ZNF827: variants seen among roughly 807,000 people sequenced by gnomAD.
ZNF827 encodes zinc finger protein 827.
In ZNF827, 13 loss-of-function variants were observed where a neutral mutation model predicts 102.4. The observed-to-expected ratio is 0.13, with a 90% CI of 0.08 to 0.20. The LOEUF is 0.20. ZNF827 is among the 10% of genes least tolerant of loss of function. ZNF827 has a pLI of 1.00. For synonymous variants in ZNF827, 523 were observed against 536.2 expected, an observed-to-expected ratio of 0.98 and a Z score of 0.34; for missense variants, 1,103 against 1,344.4, an observed-to-expected ratio of 0.82 and a Z score of 2.81.
intron 3 of ZNF827, among the ~76,000 whole-genome samples, chr4:145,891,477 TCTAA>T (rs1287354583): frequency 6.6e-6 from 1 of 152,214 alleles, no homozygotes; most frequent in African/African-American, 2.4e-5. Context: ...AAGATTTCCA[TCTAA>T]CTAAGTTTTC....
intron 7 of ZNF827, chr4:145,835,405 G>A (rs973326443): frequency 6.6e-5 from 10 of 151,582 alleles, no homozygotes; most frequent in African/African-American, 2.4e-4. Flanking sequence ...TGACAGCCAG[G>A]CTTCTAAACC....
chr4:145,936,915 T>TG (rs1470049441), intron 1 of ZNF827, among the ~76,000 whole-genome samples: 11 of 151,540 alleles, frequency 7.3e-5, no homozygotes, highest in Non-Finnish European at 2.9e-5. Flanking sequence ...GGGAGTAGTG[T>TG]GGGGGGAGAG....
chr4:145,784,382 T>C (rs769946213), intron 8 of ZNF827, among the ~76,000 whole-genome samples: 1 of 152,210 alleles, frequency 6.6e-6, no homozygotes, highest in Non-Finnish European at 1.5e-5. Flanking sequence ...ATAACACTCT[T>C]AACTGAAGGC....
At chr4:145,837,106 C>T (rs1196661516) in intron 7 of ZNF827, among the ~76,000 whole-genome samples, 1 of 152,192 alleles carries the variant, frequency 6.6e-6, no homozygotes, top group African/African-American at 2.4e-5. Context: ...TTCTGTCAGA[C>T]ATAATTCCTC....
At chr4:145,809,262 T>C (rs1314348188) in intron 8 of ZNF827, among the ~76,000 whole-genome samples, 1 of 152,242 alleles carries the variant, frequency 6.6e-6, no homozygotes, top group African/African-American at 2.4e-5. Flanking sequence ...ACTAACTTAT[T>C]GGTGTTTTCT....
Position 145,758,330 on chromosome 4 carries a change from C to T in ZNF827, c.*3286G>A, listed in dbSNP as rs1270437419. The T allele has an allele frequency of 4.6e-5, 7 of 152,182 alleles. No individual in the cohort carries two copies. The highest frequency in any genetic ancestry group is 2.6e-4 in the Admixed American group (4 of 15,278). 9.4% of individuals were successfully genotyped at this position (152,182 alleles called of 1,614,324 possible). A position where few individuals can be genotyped will look rare whatever the true frequency, so the allele number is the denominator to read the frequency against. Reference sequence around the variant, plus strand: ...AACGTCTCCTTCCTTCACCTCCTCTCGTTCTTGAAAGTTTCAACCCTAGAC... The same window carrying T: ...AACGTCTCCTTCCTTCACCTCCTCTTGTTCTTGAAAGTTTCAACCCTAGAC... On this transcript the variant is annotated 3_prime_UTR_variant, in exon 15 of 15. Transcript: ENST00000508784.
chr4:145,922,083 G>T (rs1448095838), intron 1 of ZNF827, among the ~76,000 whole-genome samples: 2 of 152,258 alleles, frequency 1.3e-5, no homozygotes, highest in Non-Finnish European at 2.9e-5. Flanking sequence ...GAGAACCGTT[G>T]TGAGTTTAGG....
At chr4:145,872,452 T>C (rs890447912) in intron 4 of ZNF827, among the ~76,000 whole-genome samples, 10 of 152,206 alleles carry the variant, frequency 6.6e-5, no homozygotes, top group African/African-American at 1.9e-4. Flanking sequence ...GACACCTTGA[T>C]ATTAGGCTTC....
In ZNF827 at chr4:145,892,403, T is replaced by C; in HGVS notation, c.1106A>G (p.Glu369Gly). The stretch of plus-strand genomic sequence containing the variant: ...TGGACACTGGAAAGGCTTTCCACTT[T>C]CCTCTTCTGAGGCTTGGAAGAAGGA... ...SKPSNSASEE[E>G]SGKPFQCPIC... Residue 369 changes from glutamate to glycine, a missense_variant, in exon 3 of 15, where the codon GAA becomes GGA. Glu to Gly is a moderately conservative substitution (Grantham distance 98, BLOSUM62 -2). This residue lies in a region of ZNF827 where 441 missense variants were observed against 458.6 expected (regional missense o/e 0.96). Coordinates refer to ENST00000508784, the MANE Select transcript of ZNF827 (RefSeq NM_001306215.2). 6.2e-7 allele frequency: 1 copy of C among 1,613,458 alleles called. No homozygotes were observed. The highest frequency in any genetic ancestry group is 8.5e-7 in the Non-Finnish European group (1 of 1,179,628).
intron 7 of ZNF827, among the ~76,000 whole-genome samples, chr4:145,836,479 C>T (rs1201439314): frequency 6.6e-6 from 1 of 152,186 alleles, no homozygotes. Context: ...TCATAACTTC[C>T]AAAATGTATT....
chr4:145,775,993 C>A, intron 9 of ZNF827, 33 bp from the exon 10 acceptor site: 1 of 1,612,170 alleles, frequency 6.2e-7, no homozygotes, highest in Non-Finnish European at 8.5e-7. Flanking sequence ...AAGCCCAAAT[C>A]GCTTTCAAAA....
chr4:145,915,888 T>C (rs1487834836), intron 1 of ZNF827, among the ~76,000 whole-genome samples: 2 of 152,240 alleles, frequency 1.3e-5, no homozygotes, highest in Non-Finnish European at 2.9e-5. Context: ...ATAGGCATTC[T>C]CATTCCAAAG....
intron 4 of ZNF827, among the ~76,000 whole-genome samples, chr4:145,874,653 T>C (rs1748999771): frequency 6.6e-6 from 1 of 152,262 alleles, no homozygotes; most frequent in Non-Finnish European, 1.5e-5. Context: ...CAACCATTTA[T>C]GACTCATGAC....
At chr4:145,779,130 C>G (rs61690657) in intron 9 of ZNF827, among the ~76,000 whole-genome samples, 4,407 of 152,176 alleles carry the variant, frequency 0.029, 204 homozygotes, top group African/African-American at 0.099. Flanking sequence ...GGAATTTTAC[C>G]TGAATAAACC....
chr4:145,770,405 A>G (rs1374638653), intron 11 of ZNF827, among the ~76,000 whole-genome samples: 1 of 151,800 alleles, frequency 6.6e-6, no homozygotes, highest in Non-Finnish European at 1.5e-5. Flanking sequence ...TAGCTGTATT[A>G]TTTTGAACAA....
chr4:145,930,706 T>G (rs552733447), intron 1 of ZNF827, among the ~76,000 whole-genome samples: 1 of 152,356 alleles, frequency 6.6e-6, no homozygotes, highest in South Asian at 2.1e-4. Context: ...CTGAATTTGC[T>G]GCATTTAGTA....
Position 145,933,773 on chromosome 4 carries a change from T to C in ZNF827, c.43+4592A>G, listed in dbSNP as rs547629226. 8.6e-4 allele frequency among the ~76,000 whole-genome samples: 124 copies of C among 144,412 alleles called. 1 individual carries two copies. The highest frequency in any genetic ancestry group is 3.2e-3 in the African/African-American group (118 of 36,826). 94.7% of individuals were successfully genotyped at this position (144,412 alleles called of 152,430 possible). A position where few individuals can be genotyped will look rare whatever the true frequency, so the allele number is the denominator to read the frequency against. ...AAGCTGAAGCTAATGAAGAAATAAG[T>C]GATCACCAATGGTGAAAAAAAAAAA... On this transcript the variant is annotated intron_variant, in intron 1 of 14. Coordinates refer to ENST00000508784, the MANE Select transcript of ZNF827 (RefSeq NM_001306215.2).
chr4:145,908,353 G>A (rs912464107), intron 1 of ZNF827, among the ~76,000 whole-genome samples: 29 of 152,302 alleles, frequency 1.9e-4, no homozygotes, highest in African/African-American at 6.7e-4. Flanking sequence ...GCATAGGATT[G>A]GAGAGATGCT....
intron 5 of ZNF827, among the ~76,000 whole-genome samples, chr4:145,861,131 C>T (rs768329901): frequency 6.6e-6 from 1 of 152,148 alleles, no homozygotes; most frequent in African/African-American, 2.4e-5. Context: ...CAGATGGGCA[C>T]CATATTCATG....
Sources: allele counts gnomAD v4.1 joint callset (sites outside exome capture counted in the v4.1 genomes callset), GRCh38; gene constraint gnomAD v4.1.1; regional missense constraint gnomAD v4.1.1; transcripts MANE v1.5; gene names NCBI Gene and HGNC (gene_info 2026-07-23, HGNC 2026-07-21).